Variants in EHBP1 observed in about 807,000 individuals in gnomAD.
EHBP1 encodes EH domain binding protein 1.
EHBP1 carries 55 observed loss-of-function variants against 144.0 expected under a neutral mutation model. The observed-to-expected ratio is 0.38, with a 90% CI of 0.31 to 0.48. The LOEUF is 0.48. Ranked by LOEUF, EHBP1 falls within the 20% of genes least tolerant of loss-of-function variation. The probability of loss-of-function intolerance (pLI) is 0.98; values close to 1 mark genes in which losing one functional copy is unlikely to be tolerated. For synonymous variants in EHBP1, 469 were observed against 472.7 expected, an observed-to-expected ratio of 0.99 and a Z score of 0.10; for missense variants, 1,200 against 1,364.2, an observed-to-expected ratio of 0.88 and a Z score of 1.90.
At chr2:62,953,300 A>C (rs1199250305) in intron 13 of EHBP1, among the ~76,000 whole-genome samples, 1 of 152,032 alleles carries the variant, frequency 6.6e-6, no homozygotes, top group African/African-American at 2.4e-5. Context: ...TGATAGTAAA[A>C]AATTGTGTGC....
chr2:62,732,914 A>T (rs1419031847), intron 2 of EHBP1, among the ~76,000 whole-genome samples: 1 of 152,052 alleles, frequency 6.6e-6, no homozygotes, highest in Non-Finnish European at 1.5e-5. Context: ...GACTATCATC[A>T]GTCTGTTGAT....
intron 3 of EHBP1, among the ~76,000 whole-genome samples, chr2:62,761,201 G>T (rs981473477): frequency 6.6e-6 from 1 of 152,050 alleles, no homozygotes; most frequent in South Asian, 2.1e-4. Flanking sequence ...ACTTTGTGGA[G>T]TTTTTGTTTT....
intron 10 of EHBP1, among the ~76,000 whole-genome samples, chr2:62,889,047 CTTTTTTTTTTTT>C (rs71410971): frequency 7.6e-5 from 3 of 39,728 alleles, no homozygotes; most frequent in Admixed American, 5.0e-4. Flanking sequence ...GTAGGTACCT[CTTTTTTTTTTTT>C]TTTTTTTTTT....
intron 19 of EHBP1, among the ~76,000 whole-genome samples, chr2:63,024,825 C>T (rs2060906176): frequency 6.6e-6 from 1 of 150,740 alleles, no homozygotes; most frequent in South Asian, 2.1e-4. Flanking sequence ...AGTGAAACCC[C>T]ATGTCTACAA....
chr2:62,854,472 C>T (rs1225845594), intron 7 of EHBP1, among the ~76,000 whole-genome samples: 1 of 152,186 alleles, frequency 6.6e-6, no homozygotes, highest in Non-Finnish European at 1.5e-5. Context: ...AAGGGAGAGA[C>T]ATACAACTCT....
At chr2:62,968,462 G>A (rs1459380068) in intron 14 of EHBP1, among the ~76,000 whole-genome samples, 3 of 152,088 alleles carry the variant, frequency 2.0e-5, no homozygotes, top group Non-Finnish European at 4.4e-5. Context: ...AGACAAGAGA[G>A]AAGATGAACT....
chr2:62,888,875 C>T (rs1456890100), intron 10 of EHBP1, among the ~76,000 whole-genome samples: 1 of 151,908 alleles, frequency 6.6e-6, no homozygotes, highest in Non-Finnish European at 1.5e-5. Context: ...ATAAACTTCA[C>T]TTTAGGAAAA....
At chr2:62,719,649 T>C (rs889407863) in intron 2 of EHBP1, among the ~76,000 whole-genome samples, 8 of 152,224 alleles carry the variant, frequency 5.3e-5, no homozygotes, top group African/African-American at 1.9e-4. Context: ...AAAAACAAAA[T>C]TGTATCAAAC....
intron 2 of EHBP1, among the ~76,000 whole-genome samples, chr2:62,721,703 A>G (rs1292693179): frequency 6.6e-6 from 1 of 152,088 alleles, no homozygotes; most frequent in Non-Finnish European, 1.5e-5. Context: ...TATTCCTTCT[A>G]CATTTATTTT....
intron 5 of EHBP1, among the ~76,000 whole-genome samples, chr2:62,808,053 TAAA>T (rs748262301): frequency 7.3e-6 from 1 of 137,844 alleles, no homozygotes; most frequent in Non-Finnish European, 1.6e-5. Flanking sequence ...ACCCTATCTC[TAAA>T]AAAAAAAAAA....
At chr2:62,759,699 C>G (rs1459278919) in intron 3 of EHBP1, among the ~76,000 whole-genome samples, 1 of 152,082 alleles carries the variant, frequency 6.6e-6, no homozygotes, top group Non-Finnish European at 1.5e-5. Flanking sequence ...CCACCGTGCC[C>G]AGCCAGTGGT....
chr2:62,969,971 A>G (rs532426017), intron 14 of EHBP1, among the ~76,000 whole-genome samples: 16 of 152,292 alleles, frequency 1.1e-4, no homozygotes, highest in Middle Eastern at 3.4e-3. Flanking sequence ...TGGCAGTAAA[A>G]TATCTAGTCT....
Position 62,948,403 on chromosome 2 carries a change from C to T in EHBP1, c.1557C>T (p.Val519=), listed in dbSNP as rs377180544. The T allele has an allele frequency of 1.5e-5, 25 of 1,613,782 alleles. No homozygotes were observed. The highest frequency in any genetic ancestry group is 1.5e-4 in the African/African-American group (11 of 74,910). The change falls in exon 13 of 23, where the codon GTC becomes GTT. Residue 519 remains valine, a synonymous_variant. Coordinates refer to ENST00000431489, the MANE Select transcript of EHBP1 (RefSeq NM_001142616.3). ...RAHFSGQELN[V]VQIEENSSKS... is the part of the protein sequence containing the mutation. ...ATTTCAGTGGCCAAGAACTAAATGT[C>T]GTTCAGATAGAGGAAAACAGCAGTA...
intron 13 of EHBP1, 150 bp downstream of exon 13, chr2:62,949,312 A>G: frequency 2.9e-6 from 2 of 691,022 alleles, no homozygotes; most frequent in Non-Finnish European, 4.4e-6. Context: ...ATGTGTGCCT[A>G]AGTCCCCACT....
At chr2:63,038,901 T>A in intron 21 of EHBP1, 85 bp downstream of exon 21, 1 of 1,322,104 alleles carries the variant, frequency 7.6e-7, no homozygotes, top group Non-Finnish European at 1.1e-6. Flanking sequence ...CTGGTCTTAC[T>A]AGATCTGGTG....
intron 19 of EHBP1, among the ~76,000 whole-genome samples, chr2:63,021,853 G>A (rs943820244): frequency 6.6e-6 from 1 of 151,226 alleles, no homozygotes; most frequent in Non-Finnish European, 1.5e-5. Context: ...TACAACCTCC[G>A]CCTCCCAGGT....
At chr2:62,899,187 T>C (rs1180959426) in intron 10 of EHBP1, among the ~76,000 whole-genome samples, 1 of 152,184 alleles carries the variant, frequency 6.6e-6, no homozygotes, top group Non-Finnish European at 1.5e-5. Context: ...AGAAGATGTT[T>C]CATTCATGAA....
At chr2:62,818,883 ATATAT>A (rs1348603083) in intron 5 of EHBP1, among the ~76,000 whole-genome samples, 6 of 152,218 alleles carry the variant, frequency 3.9e-5, no homozygotes, top group East Asian at 1.9e-4. Flanking sequence ...TAATAAAAAG[ATATAT>A]TAAATTATTG....
At chr2:63,042,560 C>T (rs1443960092) in intron 21 of EHBP1, among the ~76,000 whole-genome samples, 1 of 151,838 alleles carries the variant, frequency 6.6e-6, no homozygotes, top group Non-Finnish European at 1.5e-5. Flanking sequence ...TTAAATTTGA[C>T]TCTGAAATGA....
Sources: allele counts gnomAD v4.1 joint callset (sites outside exome capture counted in the v4.1 genomes callset), GRCh38; gene constraint gnomAD v4.1.1; transcripts MANE v1.5; gene names NCBI Gene and HGNC (gene_info 2026-07-23, HGNC 2026-07-21).